The following PKP2 variants were observed in gnomAD, a reference collection of about 807,000 sequenced individuals.
PKP2 encodes plakophilin-2.
A neutral mutation model predicts 83.4 loss-of-function variants in PKP2; 73 were observed. The ratio of observed to expected loss-of-function variants is 0.88; its 90% CI spans 0.72 to 1.06. The LOEUF (loss-of-function observed/expected upper bound fraction) is 1.06. Among genes scored for constraint, PKP2 ranks in the 50% least tolerant of loss-of-function variants. The probability of loss-of-function intolerance (pLI) is 0.00; values close to 1 mark genes in which losing one functional copy is unlikely to be tolerated. For synonymous variants in PKP2, 409 were observed against 430.4 expected (o/e 0.95, Z 0.62); for missense variants, 966 against 1,065.4 (o/e 0.91, Z 1.30).
chr12:32,896,736 C>A lies in PKP2; in HGVS notation c.-5G>T. The A allele has an allele frequency of 7.1e-7, 1 of 1,412,430 alleles. No individual in the cohort carries two copies. The highest frequency in any genetic ancestry group is 9.3e-7 in the Non-Finnish European group (1 of 1,069,994). The allele number at this position is 1,412,430 out of a possible 1,614,324, so 87.5% of individuals were successfully genotyped here. On this transcript the variant is annotated 5_prime_UTR_variant, in exon 1 of 13. Transcript: ENST00000340811. ...TGGGGCGCCGGGGGCTGCCATGGGGCCGGTGGGGGCGACCGAGCTGCTCGC... is the reference window on the plus strand; with the variant it reads ...TGGGGCGCCGGGGGCTGCCATGGGGACGGTGGGGGCGACCGAGCTGCTCGC...
At chr12:32,812,490 A>G (rs1565577897) in intron 9 of PKP2, among the ~76,000 whole-genome samples, 1 of 151,966 alleles carries the variant, frequency 6.6e-6, no homozygotes, top group Non-Finnish European at 1.5e-5. Flanking sequence ...ACACACACTA[A>G]TTAATTTACT....
At position 32,870,718 on chromosome 12, in the gene PKP2, C is replaced by T. The variant is rs373813168; in HGVS notation, c.1035-1656G>A. Among the ~76,000 whole-genome samples the T allele has an allele frequency of 2.0e-5, 3 of 152,182 alleles. No homozygotes were observed. In the South Asian group the frequency reaches 6.2e-4, roughly 32 times the overall value. On this transcript the variant is annotated intron_variant, in intron 3 of 12. Transcript: ENST00000340811. ...ATGGCAAAGTCTTTGCCAGCCATCA[C>T]GGTTGTTTTAACTGATGAAAGATCA...
chr12:32,872,349 A>G (rs1017884964), intron 3 of PKP2, among the ~76,000 whole-genome samples: 17 of 152,192 alleles, frequency 1.1e-4, no homozygotes, highest in African/African-American at 3.1e-4. Flanking sequence ...CCTGGCCAAC[A>G]TGGTGAAACC....
At chr12:32,839,391 T>G (rs921310509) in intron 6 of PKP2, among the ~76,000 whole-genome samples, 13 of 151,300 alleles carry the variant, frequency 8.6e-5, no homozygotes, top group African/African-American at 2.2e-4. Flanking sequence ...TTTTTTTTTT[T>G]TGTGGCTAAG....
At chr12:32,808,908 C>T (rs115008686) in intron 9 of PKP2, among the ~76,000 whole-genome samples, 346 of 152,290 alleles carry the variant, frequency 2.3e-3, no homozygotes, top group African/African-American at 7.5e-3. Context: ...TCTGGACACT[C>T]CATCCCAGGG....
chr12:32,888,312 T>C, intron 1 of PKP2, among the ~76,000 whole-genome samples: 1 of 152,212 alleles, frequency 6.6e-6, no homozygotes. Context: ...TATCACATTA[T>C]ACTCCCAATA....
At chr12:32,875,361 G>A (rs1317692583) in intron 3 of PKP2, among the ~76,000 whole-genome samples, 1 of 152,164 alleles carries the variant, frequency 6.6e-6, no homozygotes, top group Admixed American at 6.5e-5. Flanking sequence ...GAAAGAGAGA[G>A]AGAATGAATA....
chr12:32,858,521 A>C (rs141068688), intron 4 of PKP2, among the ~76,000 whole-genome samples: 1 of 152,208 alleles, frequency 6.6e-6, no homozygotes, highest in Non-Finnish European at 1.5e-5. Context: ...ATAATTATAC[A>C]ACTTTTGAAA....
At chr12:32,801,826 A>C (rs1157647456) in intron 10 of PKP2, among the ~76,000 whole-genome samples, 1 of 134,990 alleles carries the variant, frequency 7.4e-6, no homozygotes, top group Admixed American at 7.4e-5. Flanking sequence ...TCTGTCAATA[A>C]TACAGTCAAA....
intron 6 of PKP2, among the ~76,000 whole-genome samples, chr12:32,827,162 C>G (rs567063282): frequency 6.6e-6 from 1 of 152,274 alleles, no homozygotes; most frequent in South Asian, 2.1e-4. Flanking sequence ...GTGTTTATTT[C>G]GGGTTAGAAT....
At position 32,841,432 on chromosome 12, in the gene PKP2, T is replaced by C. The variant is rs568871663; in HGVS notation, c.1379-227A>G. The stretch of plus-strand genomic sequence containing the variant: ...TAAATACATGGCTTAGGCTACAAAC[T>C]GTGCAGGTTTAAACTAATCAGATAT... On this transcript the variant is annotated intron_variant, in intron 5 of 12. Coordinates refer to ENST00000340811, the MANE Select transcript of PKP2 (RefSeq NM_001005242.3). Among the ~76,000 whole-genome samples, 36 of 152,322 alleles carry C rather than the reference T, an allele frequency of 2.4e-4. No individual in the cohort carries two copies. In the South Asian group the frequency reaches 7.5e-3, roughly 32 times the overall value.
chr12:32,805,131 C>T (rs1442900172), intron 9 of PKP2, among the ~76,000 whole-genome samples: 1 of 151,456 alleles, frequency 6.6e-6, no homozygotes, highest in Non-Finnish European at 1.5e-5. Flanking sequence ...GTCCTTTGTC[C>T]ACTTTTTAAT....
intron 3 of PKP2, among the ~76,000 whole-genome samples, chr12:32,876,680 C>A (rs925792142): frequency 1.3e-5 from 2 of 152,150 alleles, no homozygotes; most frequent in Non-Finnish European, 2.9e-5. Context: ...CACGTGCACA[C>A]AACCACACCC....
At chr12:32,801,247 T>C (rs537931430) in intron 10 of PKP2, among the ~76,000 whole-genome samples, 15 of 152,356 alleles carry the variant, frequency 9.8e-5, no homozygotes, top group African/African-American at 3.6e-4. Flanking sequence ...TGAAGGTACA[T>C]GCTTAATGTG....
chr12:32,866,383 T>C (rs1419507007), intron 4 of PKP2, among the ~76,000 whole-genome samples: 1 of 151,346 alleles, frequency 6.6e-6, no homozygotes, highest in African/African-American at 2.4e-5. Context: ...TGAAACCCCA[T>C]CTCTACAAAA....
chr12:32,793,558 G>A (rs911784008), intron 11 of PKP2, among the ~76,000 whole-genome samples: 3 of 147,292 alleles, frequency 2.0e-5, no homozygotes, highest in African/African-American at 5.1e-5. Context: ...ACTTGTTCTT[G>A]CTATAAATCA....
At chr12:32,814,543 C>T (rs1307464980) in intron 9 of PKP2, among the ~76,000 whole-genome samples, 1 of 152,164 alleles carries the variant, frequency 6.6e-6, no homozygotes, top group Non-Finnish European at 1.5e-5. Context: ...CTTTACCTAA[C>T]CTTCATTCCT....
At position 32,869,049 on chromosome 12, in the gene PKP2, C is replaced by G. The variant is rs147264025; in HGVS notation, c.1048G>C (p.Glu350Gln). The G allele has an allele frequency of 1.2e-6, 2 of 1,613,976 alleles. No homozygotes were observed. Among genetic ancestry groups the G allele is most frequent in the Non-Finnish European group, 1.7e-6 (2 of 1,180,026 alleles). The change falls in exon 4 of 13, where the codon GAG becomes CAG. Residue 350 changes from glutamate (E) to glutamine (Q), a missense_variant. Physicochemically the swap from Glu to Gln is conservative, Grantham distance 29. Transcript: ENST00000340811. Reference protein sequence around the residue: ...TDSQLGNADMEMTLERAVSML... With the variant: ...TDSQLGNADMQMTLERAVSML... ...CTCACTGCTCGCTCCAGAGTCATCT[C>G]CATGTCTGCATTCCTAGACAAACAG...
At chr12:32,877,559 A>G (rs995380234) in intron 3 of PKP2, among the ~76,000 whole-genome samples, 1 of 152,208 alleles carries the variant, frequency 6.6e-6, no homozygotes, top group Non-Finnish European at 1.5e-5. Context: ...GCAGATTTTC[A>G]TATGGCTGAG....
Sources: allele counts gnomAD v4.1 joint callset (sites outside exome capture counted in the v4.1 genomes callset), GRCh38; gene constraint gnomAD v4.1.1; transcripts MANE v1.5; gene names NCBI Gene and HGNC (gene_info 2026-07-23, HGNC 2026-07-21).